JPH1: variants seen among roughly 807,000 people sequenced by gnomAD.
JPH1 encodes the protein junctophilin-1.
Under a neutral mutation model 53.6 loss-of-function variants are expected in JPH1, and 12 were observed. The ratio of observed to expected loss-of-function variants is 0.22; its 90% confidence interval spans 0.14 to 0.36. JPH1 has a LOEUF of 0.36. JPH1 is among the 10% of genes least tolerant of loss of function. The probability of loss-of-function intolerance (pLI) is 1.00; values close to 1 mark genes in which losing one functional copy is unlikely to be tolerated. For missense variants in JPH1, 808 were observed against 905.5 expected (o/e 0.89, Z 1.38); for synonymous variants, 375 against 363.8 (o/e 1.03, Z -0.35).
intron 2 of JPH1, among the ~76,000 whole-genome samples, chr8:74,302,224 C>T (rs1437489176): frequency 6.6e-6 from 1 of 152,184 alleles, no homozygotes; most frequent in South Asian, 2.1e-4. Context: ...TTAGGGGAAA[C>T]CTAGCAGCAT....
chr8:74,253,118 C>A (rs1002378043), intron 3 of JPH1, among the ~76,000 whole-genome samples: 12 of 152,080 alleles, frequency 7.9e-5, no homozygotes, highest in Admixed American at 2.6e-4. Flanking sequence ...CACACCTATT[C>A]CAAAATTGAC....
intron 2 of JPH1, among the ~76,000 whole-genome samples, chr8:74,312,477 T>C (rs1447034220): frequency 1.3e-5 from 2 of 152,232 alleles, no homozygotes; most frequent in Non-Finnish European, 2.9e-5. Context: ...CTTGAACTCC[T>C]GGGCTCAAGA....
At chr8:74,260,257 C>T (rs578020011) in intron 2 of JPH1, among the ~76,000 whole-genome samples, 5 of 152,182 alleles carry the variant, frequency 3.3e-5, no homozygotes, top group Admixed American at 6.5e-5. Flanking sequence ...AGTCTTCCAT[C>T]GCCTCCCTGG....
At position 74,320,073 on chromosome 8, in the gene JPH1, C is replaced by T. The variant is rs1808270498; in HGVS notation, c.379+836G>A. Among the ~76,000 whole-genome samples, 1 of 152,190 alleles carries T rather than the reference C, an allele frequency of 6.6e-6. No homozygotes were observed. Among genetic ancestry groups the T allele is most frequent in the South Asian group, 2.1e-4 (1 of 4,834 alleles). ...AATGCAAATTATTGTTTCAGTATTGCCATTCTCAGGAGTAGTAGCTGCTAA... is the reference window on the plus strand; with the variant it reads ...AATGCAAATTATTGTTTCAGTATTGTCATTCTCAGGAGTAGTAGCTGCTAA... On this transcript the variant is annotated intron_variant, in intron 1 of 5. Coordinates refer to ENST00000342232, the MANE Select transcript of JPH1 (RefSeq NM_020647.4). The surrounding 1 kb of genome is among the most constrained non-coding windows in gnomAD (Gnocchi z 4.4).
At chr8:74,291,713 A>G (rs1021398588) in intron 2 of JPH1, among the ~76,000 whole-genome samples, 5 of 152,242 alleles carry the variant, frequency 3.3e-5, no homozygotes, top group Non-Finnish European at 2.9e-5. Flanking sequence ...AATAGCAAAG[A>G]CTTGGAACCA....
chr8:74,259,489 C>G lies in JPH1; in HGVS notation c.1154G>C (p.Arg385Thr), dbSNP rs140015444. ...EIANSRTAHA[R>T]AKADAADQAA... ...CTGGTCGGCGGCATCGGCCTTCGCT[C>G]TGGCATGTGCAGTCCTACACGGGGC... The change falls in exon 3 of 6, where the codon AGA becomes ACA. Residue 385 changes from arginine to threonine, a missense_variant. Physicochemically the swap from Arg to Thr is moderately conservative, Grantham distance 71. This residue lies in a region of JPH1 where 756 missense variants were observed against 811.9 expected (regional missense o/e 0.93). Transcript: ENST00000342232. The G allele has an allele frequency of 6.2e-7, 1 of 1,608,966 alleles. No homozygotes were observed. Among genetic ancestry groups the G allele is most frequent in the Non-Finnish European group, 8.5e-7 (1 of 1,176,662 alleles).
intron 2 of JPH1, among the ~76,000 whole-genome samples, chr8:74,267,377 A>G (rs1806564046): frequency 6.6e-6 from 1 of 152,244 alleles, no homozygotes; most frequent in Non-Finnish European, 1.5e-5. Context: ...AACTTCTAAT[A>G]GAGCTGTTCA....
chr8:74,302,040 C>T (rs1012594297), intron 2 of JPH1, among the ~76,000 whole-genome samples: 1 of 152,186 alleles, frequency 6.6e-6, no homozygotes, highest in African/African-American at 2.4e-5. Context: ...CCTCAGTTTC[C>T]TACCAACTCA....
chr8:74,254,388 G>T (rs1806156946), intron 3 of JPH1, among the ~76,000 whole-genome samples: 1 of 152,028 alleles, frequency 6.6e-6, no homozygotes, highest in Non-Finnish European at 1.5e-5. Context: ...TTGATGGGAT[G>T]TATCTCAAAA....
chr8:74,299,210 T>A (rs908194897), intron 2 of JPH1, among the ~76,000 whole-genome samples: 1 of 152,214 alleles, frequency 6.6e-6, no homozygotes, highest in Non-Finnish European at 1.5e-5. Context: ...AGAGCAACTC[T>A]TCCTGGCACC....
chr8:74,263,108 C>T (rs560354290), intron 2 of JPH1, among the ~76,000 whole-genome samples: 1 of 152,328 alleles, frequency 6.6e-6, no homozygotes, highest in East Asian at 1.9e-4. Flanking sequence ...AGCATACTCT[C>T]CTCCTGCTAA....
intron 2 of JPH1, among the ~76,000 whole-genome samples, chr8:74,288,650 G>A (rs1807237494): frequency 6.6e-6 from 1 of 152,172 alleles, no homozygotes; most frequent in African/African-American, 2.4e-5. Flanking sequence ...TTACTAGGAA[G>A]GTGAAACACA....
intron 4 of JPH1, among the ~76,000 whole-genome samples, chr8:74,241,438 C>T (rs1805688452): frequency 6.6e-6 from 1 of 152,048 alleles, no homozygotes. Flanking sequence ...AGGTGTAATA[C>T]AAGAAGCTGT....
At chr8:74,278,978 C>T (rs535966199) in intron 2 of JPH1, among the ~76,000 whole-genome samples, 7 of 131,998 alleles carry the variant, frequency 5.3e-5, no homozygotes, top group South Asian at 2.7e-4. Context: ...GAAACACACA[C>T]GCACACGCGC....
At chr8:74,262,241 C>G (rs1466969501) in intron 2 of JPH1, among the ~76,000 whole-genome samples, 1 of 152,172 alleles carries the variant, frequency 6.6e-6, no homozygotes, top group Non-Finnish European at 1.5e-5. Flanking sequence ...TTAACACCAG[C>G]CTGTACAGCT....
intron 4 of JPH1, among the ~76,000 whole-genome samples, chr8:74,239,846 G>C (rs1281505768): frequency 6.6e-6 from 1 of 152,142 alleles, no homozygotes; most frequent in South Asian, 2.1e-4. Flanking sequence ...ATTTTTGTGG[G>C]TAACATGGTA....
intron 4 of JPH1, 149 bp from the exon 5 acceptor site, chr8:74,237,452 A>G (rs1807035059): frequency 1.6e-6 from 1 of 623,494 alleles, no homozygotes; most frequent in Admixed American, 3.0e-5. Flanking sequence ...GGTGTAGACT[A>G]AAAACGGCAA....
chr8:74,263,288 A>G (rs1806444951), intron 2 of JPH1, among the ~76,000 whole-genome samples: 1 of 152,192 alleles, frequency 6.6e-6, no homozygotes, highest in African/African-American at 2.4e-5. Context: ...ACTGCTTCAA[A>G]ATTGTGCTGA....
Position 74,286,836 on chromosome 8 carries a change from G to T in JPH1, c.1140-27333C>A, listed in dbSNP as rs537509525. 4.9e-4 allele frequency among the ~76,000 whole-genome samples: 75 copies of T among 152,296 alleles called. No homozygotes were observed. In the South Asian group the frequency reaches 0.016, roughly 32 times the overall value. On this transcript the variant is annotated intron_variant, in intron 2 of 5. Transcript: ENST00000342232. ...GGTGTGTATGTTTGATCTTCCTAAA[G>T]TGCCTTCCAGGGCTTGCCCAAACAG...
Sources: allele counts gnomAD v4.1 joint callset (sites outside exome capture counted in the v4.1 genomes callset), GRCh38; gene constraint gnomAD v4.1.1; regional missense constraint gnomAD v4.1.1; non-coding constraint Gnocchi (gnomAD v3.1); transcripts MANE v1.5; gene names NCBI Gene and HGNC (gene_info 2026-07-23, HGNC 2026-07-21).